Variants in STPG2 observed in about 807,000 individuals in gnomAD.
STPG2 encodes the protein sperm tail PG-rich repeat containing 2, also known as sperm-tail PG-rich repeat-containing protein 2.
Under a neutral mutation model 54.2 loss-of-function variants are expected in STPG2, and 56 were observed. The ratio of observed to expected loss-of-function variants is 1.03; its 90% CI spans 0.83 to 1.29. The LOEUF is 1.29. Among genes scored for constraint, STPG2 ranks in the 50% most tolerant of loss-of-function variants. The pLI, the probability that STPG2 is intolerant of heterozygous loss-of-function variation, is 0.00. For missense variants in STPG2, 596 were observed against 544.9 expected, an observed-to-expected ratio of 1.09 and a Z score of -0.93; for synonymous variants, 200 against 181.8, an observed-to-expected ratio of 1.10 and a Z score of -0.81.
intron 4 of STPG2, among the ~76,000 whole-genome samples, chr4:97,447,807 T>A (rs1226510473): frequency 2.0e-5 from 3 of 152,194 alleles, no homozygotes; most frequent in Admixed American, 2.0e-4. Flanking sequence ...AAGGGAAATG[T>A]AGGGTTGGAG....
chr4:98,094,215 G>A (rs1738778263), intron 5 of STPG2, among the ~76,000 whole-genome samples: 1 of 152,136 alleles, frequency 6.6e-6, no homozygotes, highest in African/African-American at 2.4e-5. Flanking sequence ...GCAGAGTTGT[G>A]AAGCCTCCAT....
At chr4:98,125,237 T>C (rs765883191) in intron 3 of STPG2, among the ~76,000 whole-genome samples, 14 of 152,192 alleles carry the variant, frequency 9.2e-5, no homozygotes, top group Non-Finnish European at 5.9e-5. Flanking sequence ...TTGCAATCAT[T>C]TGGAGGAGAA....
At position 97,774,291 on chromosome 4, in the gene STPG2, T is replaced by A. The variant is rs151016770; in HGVS notation, c.1205-61477A>T. Among the ~76,000 whole-genome samples, 35 of 152,260 alleles carry A rather than the reference T, an allele frequency of 2.3e-4. No individual in the cohort carries two copies. In the East Asian group the frequency reaches 5.8e-3, roughly 25 times the overall value. On this transcript the variant is annotated intron_variant, in intron 9 of 10. Coordinates refer to ENST00000295268, the MANE Select transcript of STPG2 (RefSeq NM_174952.3). ...TAAGTAAATTTGGCATAAAACCATA[T>A]TTCACAATGTCTGGGGTACAGGACC... is the stretch of plus-strand genomic sequence containing the variant.
At chr4:97,921,265 G>GC (rs1732095880) in intron 8 of STPG2, among the ~76,000 whole-genome samples, 1 of 152,000 alleles carries the variant, frequency 6.6e-6, no homozygotes, top group Admixed American at 6.6e-5. Context: ...TACCAATCCT[G>GC]CTCCGGCAGC....
intron 4 of STPG2, among the ~76,000 whole-genome samples, chr4:97,495,555 A>C (rs909054974): frequency 4.0e-5 from 6 of 151,390 alleles, no homozygotes; most frequent in Admixed American, 6.6e-5. Flanking sequence ...TTCGGTTTGA[A>C]AAAAATAGAT....
At chr4:97,953,092 G>A (rs1226825329) in intron 7 of STPG2, among the ~76,000 whole-genome samples, 1 of 152,136 alleles carries the variant, frequency 6.6e-6, no homozygotes, top group Non-Finnish European at 1.5e-5. Flanking sequence ...TAGGGCAAAC[G>A]GAGGAGCAAA....
chr4:97,722,097 A>G lies in STPG2; in HGVS notation c.1205-9283T>C, dbSNP rs555526450. ...CTTTTTAACAATGTCCAGGAGGGGA[A>G]AAAAAAAAAAAGAAGCATATTTGGT... On this transcript the variant is annotated intron_variant, in intron 9 of 10. Coordinates refer to ENST00000295268, the MANE Select transcript of STPG2 (RefSeq NM_174952.3). Among the ~76,000 whole-genome samples the G allele has an allele frequency of 4.6e-3, 679 of 147,388 alleles. 1 individual carries two copies. The highest frequency in any genetic ancestry group is 6.4e-3 in the Non-Finnish European group (427 of 66,478).
chr4:97,967,140 C>T (rs569224884), intron 7 of STPG2, among the ~76,000 whole-genome samples: 1 of 137,800 alleles, frequency 7.3e-6, no homozygotes, highest in South Asian at 2.4e-4. Context: ...CACACACAGG[C>T]TCAAAATAAA....
intron 9 of STPG2, among the ~76,000 whole-genome samples, chr4:97,788,330 T>A (rs1394503486): frequency 6.6e-6 from 1 of 152,134 alleles, no homozygotes; most frequent in Non-Finnish European, 1.5e-5. Flanking sequence ...ATGCAGTCTG[T>A]CTTTCTTTGC....
At chr4:98,073,990 C>T (rs1738083179) in intron 5 of STPG2, among the ~76,000 whole-genome samples, 1 of 152,006 alleles carries the variant, frequency 6.6e-6, no homozygotes, top group African/African-American at 2.4e-5. Flanking sequence ...ATCTTTGCTC[C>T]CCTAGATAAT....
At position 97,840,884 on chromosome 4, in the gene STPG2, A is replaced by G. The variant is rs533034470; in HGVS notation, c.1093T>C (p.Ser365Pro). The change falls in exon 9 of 11, where the codon TCC becomes CCC. Residue 365 changes from serine to proline, a missense_variant. Ser to Pro is a moderately conservative substitution (Grantham distance 74, BLOSUM62 -1). Transcript: ENST00000295268. Reference protein sequence around the residue: ...SYDVHKSYEMSQVKHKYMPPR... With the variant: ...SYDVHKSYEMPQVKHKYMPPR... ...GGCATATATTTATGCTTAACTTGGG[A>G]CATCTCATATGATTTGTGAACATCA... is the stretch of plus-strand genomic sequence containing the variant. 8 of 1,612,112 alleles carry G rather than the reference A, an allele frequency of 5.0e-6. No homozygotes were observed. In the African/African-American group the frequency reaches 8.0e-5, roughly 16 times the overall value.
chr4:97,902,419 C>A (rs528841848), intron 8 of STPG2, among the ~76,000 whole-genome samples: 1 of 152,172 alleles, frequency 6.6e-6, no homozygotes, highest in South Asian at 2.1e-4. Flanking sequence ...AAGGGTTAAT[C>A]TTCAAAACAT....
At chr4:98,009,393 G>A (rs909325428) in intron 5 of STPG2, among the ~76,000 whole-genome samples, 2 of 151,620 alleles carry the variant, frequency 1.3e-5, no homozygotes, top group African/African-American at 4.8e-5. Flanking sequence ...GAATTTTCCA[G>A]TTTTCCTCCA....
chr4:97,851,961 C>T (rs1403529099), intron 8 of STPG2, among the ~76,000 whole-genome samples: 2 of 152,168 alleles, frequency 1.3e-5, no homozygotes, highest in East Asian at 3.8e-4. Flanking sequence ...ATTATAATAG[C>T]TCTAATTGAC....
intron 4 of STPG2, among the ~76,000 whole-genome samples, chr4:97,455,861 T>C (rs1333551953): frequency 6.6e-6 from 1 of 152,170 alleles, no homozygotes; most frequent in Non-Finnish European, 1.5e-5. Flanking sequence ...GCCATGCAGT[T>C]GGAGCCCCAC....
At chr4:97,495,597 ATATTAATTATCTGTATTTACAGTGTT>A (rs1730593013) in intron 4 of STPG2, among the ~76,000 whole-genome samples, 1 of 151,006 alleles carries the variant, frequency 6.6e-6, no homozygotes, top group Non-Finnish European at 1.5e-5. Context: ...GGTAAACTCT[ATATTAATTATCTGTATTTACAGTGTT>A]CAAAGGAAAC....
chr4:98,048,397 A>G (rs1365322372), intron 5 of STPG2, among the ~76,000 whole-genome samples: 1 of 152,250 alleles, frequency 6.6e-6, no homozygotes, highest in African/African-American at 2.4e-5. Context: ...TAAATTAGAA[A>G]GAGCAGTTAA....
chr4:97,877,727 A>T (rs1730230268), intron 8 of STPG2, among the ~76,000 whole-genome samples: 1 of 152,148 alleles, frequency 6.6e-6, no homozygotes, highest in Non-Finnish European at 1.5e-5. Context: ...GTGTGGGGAC[A>T]CAGCCAAACT....
chr4:97,989,318 A>G (rs1253515951), intron 5 of STPG2, among the ~76,000 whole-genome samples: 3 of 152,198 alleles, frequency 2.0e-5, no homozygotes, highest in African/African-American at 7.2e-5. Flanking sequence ...GAAGCTATAC[A>G]GATATGCCGT....
Sources: allele counts gnomAD v4.1 joint callset (sites outside exome capture counted in the v4.1 genomes callset), GRCh38; gene constraint gnomAD v4.1.1; transcripts MANE v1.5; gene names NCBI Gene and HGNC (gene_info 2026-07-23, HGNC 2026-07-21).